The following SLC6A9 variants were observed in gnomAD, a reference collection of about 807,000 sequenced individuals.
SLC6A9 encodes solute carrier family 6 member 9.
SLC6A9 carries 31 observed loss-of-function variants against 70.9 expected under a neutral mutation model. That is an observed-to-expected ratio of 0.44 (90% CI 0.33 to 0.59). The LOEUF is 0.59. SLC6A9 is among the 20% of genes least tolerant of loss of function. The pLI is 0.04. For synonymous variants in SLC6A9, 310 were observed against 341.3 expected (o/e 0.91, Z 1.01); for missense variants, 631 against 845.2 (o/e 0.75, Z 3.14).
chr1:44,031,060 G>T (rs1333740496), intron 1 of SLC6A9, among the ~76,000 whole-genome samples: 1 of 143,924 alleles, frequency 6.9e-6, no homozygotes, highest in Non-Finnish European at 1.5e-5. Flanking sequence ...CTTGGTGACA[G>T]CGGTGACACC....
chr1:44,010,522 G>T (rs1210555123), intron 3 of SLC6A9: 2 of 513,186 alleles, frequency 3.9e-6, no homozygotes, highest in Admixed American at 3.4e-5. Context: ...AACTGGCAGG[G>T]CCAGCCCCCA....
intron 2 of SLC6A9, among the ~76,000 whole-genome samples, chr1:44,013,000 C>G (rs553516252): frequency 3.0e-4 from 46 of 152,194 alleles, no homozygotes; most frequent in Non-Finnish European, 6.2e-4. Flanking sequence ...CAAATGCCAG[C>G]CAAATAGGGC....
At chr1:44,017,971 C>T (rs1031731869) in intron 2 of SLC6A9, among the ~76,000 whole-genome samples, 2 of 152,190 alleles carry the variant, frequency 1.3e-5, no homozygotes, top group African/African-American at 4.8e-5. Context: ...ACTATAGTCA[C>T]CACTACTGTA....
At chr1:44,000,294 C>T (rs2086042693) in intron 12 of SLC6A9, among the ~76,000 whole-genome samples, 1 of 152,268 alleles carries the variant, frequency 6.6e-6, no homozygotes, top group South Asian at 2.1e-4. Context: ...ACCCACCTCA[C>T]TGCCTGGAAG....
chr1:44,010,679 T>C, intron 3 of SLC6A9, 47 bp downstream of exon 3: 1 of 1,591,024 alleles, frequency 6.3e-7, no homozygotes, highest in Non-Finnish European at 8.6e-7. Context: ...CCCTGGTGGG[T>C]GGGCTCTACC....
In SLC6A9 at chr1:43,997,465, GA is replaced by G; in HGVS notation, c.*79del. On this transcript the variant is annotated 3_prime_UTR_variant, in exon 14 of 14. Transcript: ENST00000372310. This position sits in a 1 kb window ranked among gnomAD's most constrained non-coding sequence, Gnocchi z 4.4. The stretch of plus-strand genomic sequence containing the variant: ...GCCAGGGCGTGGCAGGGGGCAGGCA[GA>G]GACACCTGGCCTCTGCCTCACCAGT... 2 of 1,328,828 alleles carry G rather than the reference GA, an allele frequency of 1.5e-6. No individual in the cohort carries two copies. The highest frequency in any genetic ancestry group is 2.1e-6 in the Non-Finnish European group (2 of 937,860). The allele number at this position is 1,328,828 out of a possible 1,614,324, so 82.3% of individuals were successfully genotyped here.
rs745960709 is a variant in SLC6A9, at chr1:44,013,679, C to T, written c.31-2797G>A. Among the ~76,000 whole-genome samples the T allele has an allele frequency of 3.3e-5, 5 of 152,264 alleles. No homozygotes were observed. In the East Asian group the frequency reaches 7.7e-4, roughly 24 times the overall value. On this transcript the variant is annotated intron_variant, in intron 2 of 13. Transcript: ENST00000372310. This position sits in a 1 kb window ranked among gnomAD's most constrained non-coding sequence, Gnocchi z 5.3. ...CTGTCTTCAACTCCAGGGCTGTCTACGCTCAGGTGGCTTGGCTGGGGAGGG... is the reference window on the plus strand; with the variant it reads ...CTGTCTTCAACTCCAGGGCTGTCTATGCTCAGGTGGCTTGGCTGGGGAGGG...
chr1:44,017,453 G>A, intron 2 of SLC6A9: 2 of 884,004 alleles, frequency 2.3e-6, no homozygotes, highest in Non-Finnish European at 1.5e-6. Flanking sequence ...TCCCCCCACG[G>A]AGCTGACCAG....
rs7528392 is a variant in SLC6A9, at chr1:44,000,910, C to T, written c.1436-43G>A. The T allele has an allele frequency of 1.0e-3, 1,591 of 1,593,860 alleles. 9 individuals carry two copies. In the African/African-American group the frequency reaches 0.018, roughly 18 times the overall value. ...CAGCAGACCCGCAGGACAGAGTGGG[C>T]GGGCCAAGGGCCGGGTCGCGGGAGG... is the stretch of plus-strand genomic sequence containing the variant. On this transcript the variant is annotated intron_variant, in intron 11 of 13. Transcript: ENST00000372310.
intron 2 of SLC6A9, among the ~76,000 whole-genome samples, chr1:44,020,817 G>A (rs1375471221): frequency 2.0e-5 from 3 of 152,208 alleles, no homozygotes; most frequent in Non-Finnish European, 4.4e-5. Context: ...GTCAGGGTGG[G>A]GCAGCCCCTG....
intron 4 of SLC6A9, 55 bp from the exon 5 acceptor site, chr1:44,008,678 A>T: frequency 7.4e-7 from 1 of 1,349,728 alleles, no homozygotes; most frequent in Non-Finnish European, 1.0e-6. Context: ...GGAGGAGGTG[A>T]GGTTAATAAT....
At chr1:44,000,688 G>T in intron 12 of SLC6A9, 79 bp downstream of exon 12, 1 of 941,938 alleles carries the variant, frequency 1.1e-6, no homozygotes, top group Non-Finnish European at 1.7e-6. Flanking sequence ...AGCTCCCACT[G>T]TCCCTCCGCT....
chr1:44,022,986 G>A (rs559627770), intron 2 of SLC6A9, among the ~76,000 whole-genome samples: 14 of 152,224 alleles, frequency 9.2e-5, no homozygotes, highest in African/African-American at 2.4e-4. Flanking sequence ...GATTACAGGC[G>A]TGAGCCACCC....
At chr1:44,028,868 G>C (rs1172436984) in intron 1 of SLC6A9, among the ~76,000 whole-genome samples, 1 of 152,200 alleles carries the variant, frequency 6.6e-6, no homozygotes, top group African/African-American at 2.4e-5. Context: ...GCTCAGGTTA[G>C]GAAGGTGACA....
intron 2 of SLC6A9, among the ~76,000 whole-genome samples, chr1:44,022,986 G>T (rs559627770): frequency 3.3e-5 from 5 of 152,106 alleles, no homozygotes; most frequent in Non-Finnish European, 7.4e-5. Context: ...GATTACAGGC[G>T]TGAGCCACCC....
At chr1:44,011,585 G>T (rs1557684187) in intron 2 of SLC6A9, 4 of 1,613,920 alleles carry the variant, frequency 2.5e-6, no homozygotes, top group African/African-American at 1.3e-5. Context: ...GGGAGTGCTG[G>T]GCCATGAGTT....
Position 43,999,995 on chromosome 1 carries a change from G to A in SLC6A9, c.1536+772C>T, listed in dbSNP as rs142225974. Among the ~76,000 whole-genome samples the A allele has an allele frequency of 3.9e-4, 59 of 152,340 alleles. 1 individual carries two copies. Among genetic ancestry groups the A allele is most frequent in the African/African-American group, 1.2e-3 (51 of 41,582 alleles). ...CCTGCAGAGGTGTTTCTAGTGTGGC[G>A]CTGGCCCAGGCTTGGAATTGGACAA... On this transcript the variant is annotated intron_variant, in intron 12 of 13. Coordinates refer to ENST00000372310, the MANE Select transcript of SLC6A9 (RefSeq NM_001024845.3).
In SLC6A9 at chr1:44,024,176, C is replaced by T. The variant is rs541643197; in HGVS notation, c.30+72G>A. On this transcript the variant is annotated intron_variant, in intron 2 of 13. Transcript: ENST00000372310. The stretch of plus-strand genomic sequence containing the variant: ...TGCCGGCCTTCCTAAGCCTTCCAAG[C>T]AGCTGGCAGGAGGTCCTGGGGGCAG... 11 of 1,495,138 alleles carry T rather than the reference C, an allele frequency of 7.4e-6. No individual in the cohort carries two copies. The South Asian group carries it at 1.1e-4, about 15-fold the overall frequency. 92.6% of individuals were successfully genotyped at this position (1,495,138 alleles called of 1,614,324 possible).
Position 44,031,422 on chromosome 1 carries a change from C to T in SLC6A9, c.-202G>A, listed in dbSNP as rs2087120291. Reference sequence around the variant, plus strand: ...GGCTCTGTGCCGCGCCGAGTTCGCCCGCCCCGCCGCGCCGCTCGCAGCTCT... The same window carrying T: ...GGCTCTGTGCCGCGCCGAGTTCGCCTGCCCCGCCGCGCCGCTCGCAGCTCT... On this transcript the variant is annotated 5_prime_UTR_variant, in exon 1 of 14. Transcript: ENST00000372310. 1 of 152,390 alleles carries T rather than the reference C, an allele frequency of 6.6e-6. No individual in the cohort carries two copies. The highest frequency in any genetic ancestry group is 1.5e-5 in the Non-Finnish European group (1 of 68,254). The allele number at this position is 152,390 out of a possible 1,614,324, so 9.4% of individuals were successfully genotyped here. A position where few individuals can be genotyped will look rare whatever the true frequency, so the allele number is the denominator to read the frequency against.
Sources: gnomAD v4.1 joint callset for allele counts (sites outside exome capture counted in the v4.1 genomes callset) on GRCh38, gnomAD v4.1.1 for gene constraint, Gnocchi (gnomAD v3.1) non-coding constraint, MANE v1.5 for transcripts, NCBI Gene and HGNC (gene_info 2026-07-23, HGNC 2026-07-21) for gene names.